Variants in ST6GALNAC5 observed in about 807,000 individuals in gnomAD.
ST6GALNAC5 encodes ST6 N-acetylgalactosaminide alpha-2,6-sialyltransferase 5, also known as alpha-N-acetylgalactosaminide alpha-2,6-sialyltransferase 5.
ST6GALNAC5 carries 27 observed loss-of-function variants against 33.6 expected under a neutral mutation model. The ratio of observed to expected loss-of-function variants is 0.80; its 90% CI spans 0.59 to 1.11. The LOEUF is 1.11. Among genes scored for constraint, ST6GALNAC5 ranks in the 50% least tolerant of loss-of-function variants. ST6GALNAC5 has a pLI of 0.00. For missense variants in ST6GALNAC5, 428 were observed against 454.0 expected, an observed-to-expected ratio of 0.94 and a Z score of 0.52; for synonymous variants, 194 against 171.2, an observed-to-expected ratio of 1.13 and a Z score of -1.04.
chr1:76,912,613 T>C (rs1216934489), intron 2 of ST6GALNAC5, among the ~76,000 whole-genome samples: 2 of 151,052 alleles, frequency 1.3e-5, no homozygotes, highest in Non-Finnish European at 3.0e-5. Context: ...TGTTCCTGTA[T>C]TGGGTGCATA....
intron 4 of ST6GALNAC5, among the ~76,000 whole-genome samples, chr1:77,051,530 T>C (rs544568801): frequency 5.1e-4 from 78 of 152,280 alleles, no homozygotes; most frequent in African/African-American, 1.8e-3. Flanking sequence ...TCCTCATCCA[T>C]AGACGTGGAT....
chr1:76,962,362 C>A (rs182891440), intron 2 of ST6GALNAC5, among the ~76,000 whole-genome samples: 2 of 152,174 alleles, frequency 1.3e-5, no homozygotes, highest in Non-Finnish European at 2.9e-5. Context: ...TGTCAAGCCA[C>A]TCACAGAAAG....
intron 2 of ST6GALNAC5, among the ~76,000 whole-genome samples, chr1:76,914,636 A>G (rs1179424947): frequency 6.6e-6 from 1 of 152,246 alleles, no homozygotes; most frequent in African/African-American, 2.4e-5. Context: ...CAGGCTAGCC[A>G]TATGTAGACA....
At chr1:76,892,832 C>T (rs542510648) in intron 2 of ST6GALNAC5, among the ~76,000 whole-genome samples, 52 of 152,290 alleles carry the variant, frequency 3.4e-4, no homozygotes, top group African/African-American at 1.3e-3. Flanking sequence ...TACGTTTTTG[C>T]ACCTCAGCCT....
At chr1:76,877,674 T>C (rs916035854) in intron 2 of ST6GALNAC5, among the ~76,000 whole-genome samples, 65 of 152,348 alleles carry the variant, frequency 4.3e-4, no homozygotes, top group African/African-American at 1.5e-3. Context: ...GTCCAGTGTG[T>C]TTGCTACTTC....
At chr1:76,898,833 C>T (rs190837368) in intron 2 of ST6GALNAC5, among the ~76,000 whole-genome samples, 45 of 152,134 alleles carry the variant, frequency 3.0e-4, no homozygotes, top group Non-Finnish European at 5.4e-4. Flanking sequence ...AGGAAGAATT[C>T]GGACCTAGCT....
intron 3 of ST6GALNAC5, among the ~76,000 whole-genome samples, chr1:77,048,027 G>A (rs1652074477): frequency 6.6e-6 from 1 of 152,198 alleles, no homozygotes; most frequent in South Asian, 2.1e-4. Context: ...CGTGACCCCA[G>A]AAGGCTGTTA....
chr1:76,896,798 T>A (rs914399922), intron 2 of ST6GALNAC5, among the ~76,000 whole-genome samples: 2 of 152,022 alleles, frequency 1.3e-5, no homozygotes, highest in African/African-American at 4.8e-5. Context: ...GTAGAGAGTG[T>A]GTTGAGCATA....
chr1:76,960,977 G>T (rs905012729), intron 2 of ST6GALNAC5, among the ~76,000 whole-genome samples: 1 of 152,184 alleles, frequency 6.6e-6, no homozygotes. Flanking sequence ...ATGGGATTAA[G>T]AGATTGAAGT....
chr1:77,041,784 T>C (rs1651838516), intron 2 of ST6GALNAC5, among the ~76,000 whole-genome samples: 1 of 152,202 alleles, frequency 6.6e-6, no homozygotes, highest in Non-Finnish European at 1.5e-5. Flanking sequence ...TAGATGAATC[T>C]ATTTCAAATG....
At chr1:77,057,469 A>G (rs984457188) in intron 4 of ST6GALNAC5, among the ~76,000 whole-genome samples, 1 of 152,186 alleles carries the variant, frequency 6.6e-6, no homozygotes, top group African/African-American at 2.4e-5. Flanking sequence ...GCTAAGCTTG[A>G]TGAGGAAGTG....
At position 76,990,815 on chromosome 1, in the gene ST6GALNAC5, C is replaced by T. The variant is rs745998803; in HGVS notation, c.262-53389C>T. Among the ~76,000 whole-genome samples the T allele has an allele frequency of 2.0e-5, 3 of 152,104 alleles. No individual in the cohort carries two copies. In the South Asian group the frequency reaches 6.2e-4, roughly 31 times the overall value. On this transcript the variant is annotated intron_variant, in intron 2 of 4. Coordinates refer to ENST00000477717, the MANE Select transcript of ST6GALNAC5 (RefSeq NM_030965.3). ...AATTCATCCTATGCTAATATGAACC[C>T]TCATTTAGGGTTGAGAGAGAGTAGC...
At chr1:76,948,561 G>C (rs1647614593) in intron 2 of ST6GALNAC5, among the ~76,000 whole-genome samples, 1 of 149,724 alleles carries the variant, frequency 6.7e-6, no homozygotes, top group Non-Finnish European at 1.5e-5. Context: ...CAAGTGGGGA[G>C]AGAGAGAGAG....
intron 2 of ST6GALNAC5, among the ~76,000 whole-genome samples, chr1:76,966,482 C>T (rs964700024): frequency 1.3e-5 from 2 of 152,208 alleles, no homozygotes; most frequent in African/African-American, 4.8e-5. Context: ...TGCTTATCAG[C>T]TTAAGGAGAT....
At position 77,044,316 on chromosome 1, in the gene ST6GALNAC5, A is replaced by AC; in HGVS notation, c.375dup (p.Ala126ArgfsTer9). On this transcript the variant is annotated frameshift_variant, in exon 3 of 5. Transcript: ENST00000477717. LOFTEE classifies it high-confidence loss of function. Reference sequence around the variant, plus strand: ...ACAGAGTGTGTCATCCGCATGAATGACGCCCCCACACGCGGCTATGGGCGT... The same window carrying AC: ...ACAGAGTGTGTCATCCGCATGAATGACCGCCCCCACACGCGGCTATGGGCGT... 1 of 1,613,816 alleles carries AC rather than the reference A, an allele frequency of 6.2e-7. No individual in the cohort carries two copies. The highest frequency in any genetic ancestry group is 1.1e-5 in the South Asian group (1 of 91,060).
At chr1:76,927,601 C>A (rs1190913701) in intron 2 of ST6GALNAC5, among the ~76,000 whole-genome samples, 1 of 152,066 alleles carries the variant, frequency 6.6e-6, no homozygotes, top group Non-Finnish European at 1.5e-5. Context: ...TGGCAGAGAA[C>A]TATAGCACAT....
At chr1:77,037,671 A>G (rs1651695646) in intron 2 of ST6GALNAC5, among the ~76,000 whole-genome samples, 1 of 152,216 alleles carries the variant, frequency 6.6e-6, no homozygotes, top group African/African-American at 2.4e-5. Context: ...TTTGATTTAC[A>G]TATTAAAGGG....
At chr1:77,055,471 C>T (rs763347876) in intron 4 of ST6GALNAC5, among the ~76,000 whole-genome samples, 2 of 152,148 alleles carry the variant, frequency 1.3e-5, no homozygotes, top group African/African-American at 2.4e-5. Flanking sequence ...TTTTCTTGAA[C>T]CTTATAATAA....
At chr1:77,056,661 C>T (rs1399517006) in intron 4 of ST6GALNAC5, among the ~76,000 whole-genome samples, 2 of 152,190 alleles carry the variant, frequency 1.3e-5, no homozygotes, top group Admixed American at 6.5e-5. Flanking sequence ...GAAGCTTACT[C>T]ACAGAAGACG....
Sources: gnomAD v4.1 joint callset for allele counts (sites outside exome capture counted in the v4.1 genomes callset) on GRCh38, gnomAD v4.1.1 for gene constraint, MANE v1.5 for transcripts, NCBI Gene and HGNC (gene_info 2026-07-23, HGNC 2026-07-21) for gene names.